NBPF12: variants seen among roughly 807,000 people sequenced by gnomAD.
NBPF12 encodes the protein NBPF family member NBPF12.
Under a neutral mutation model 146.4 loss-of-function variants are expected in NBPF12, and 115 were observed. The ratio of observed to expected loss-of-function variants is 0.79; its 90% confidence interval spans 0.68 to 0.92. NBPF12 has a LOEUF of 0.92. Among genes scored for constraint, NBPF12 ranks in the 40% least tolerant of loss-of-function variants. The pLI, the probability that NBPF12 is intolerant of heterozygous loss-of-function variation, is 0.00. For synonymous variants in NBPF12, 385 were observed against 508.9 expected, an observed-to-expected ratio of 0.76 and a Z score of 3.28; for missense variants, 1,205 against 1,326.8, an observed-to-expected ratio of 0.91 and a Z score of 1.43.
chr1:146,967,740 A>G (rs1656297836), intron 9 of NBPF12, among the ~76,000 whole-genome samples: 1 of 150,484 alleles, frequency 6.6e-6, no homozygotes, highest in South Asian at 2.1e-4. Context: ...AGAGGGTACT[A>G]CAATAATACC....
intron 13 of NBPF12, among the ~76,000 whole-genome samples, chr1:146,971,626 G>A (rs1553886478): frequency 0.15 from 22,400 of 145,470 alleles, 2,200 homozygotes; most frequent in Admixed American, 0.27. Flanking sequence ...CCATCTTTAC[G>A]AAGAATACAA....
chr1:146,963,055 C>T lies in NBPF12; in HGVS notation c.279-40C>T, dbSNP rs1418188034. 507 of 1,610,084 alleles carry T rather than the reference C, an allele frequency of 3.1e-4. 3 individuals carry two copies. The African/African-American group carries it at 3.2e-3, about 10-fold the overall frequency. ...TGCAATATTTGAACGGATCACTCAA[C>T]GCTTTTCACTGTTAAATTTTCTCTA... is the stretch of plus-strand genomic sequence containing the variant. On this transcript the variant is annotated intron_variant, in intron 5 of 33. Coordinates refer to ENST00000617844, the Ensembl canonical transcript of NBPF12.
exon 34 of NBPF12, chr1:146,995,665 G>C (rs879962174): frequency 6.7e-6 from 1 of 149,512 alleles, no homozygotes; most frequent in Admixed American, 6.6e-5. Context: ...ACTTTTTGCT[G>C]GGAACACTGC....
chr1:146,972,745 C>T lies in NBPF12; in HGVS notation c.1592-6C>T. 1 of 1,333,310 alleles carries T rather than the reference C, an allele frequency of 7.5e-7. No homozygotes were observed. The highest frequency in any genetic ancestry group is 1.1e-6 in the Non-Finnish European group (1 of 927,296). 82.6% of individuals were successfully genotyped at this position (1,333,310 alleles called of 1,614,324 possible). ...CCCATCATGTGTTTGCCTTTCTTCT[C>T]CCCAGTCCCTGGCCCCACCTCTTCT... On this transcript the variant is annotated splice_polypyrimidine_tract_variant and splice_region_variant and intron_variant, in intron 13 of 33. Transcript: ENST00000617844.
At chr1:146,966,403 T>G in intron 8 of NBPF12, 61 bp from the exon 12 acceptor site, 1 of 1,302,882 alleles carries the variant, frequency 7.7e-7, no homozygotes, top group South Asian at 1.2e-5. Context: ...TCAGTCCTGA[T>G]TAAGCCTACT....
At chr1:146,960,884 A>G (rs1655805346) in intron 4 of NBPF12, among the ~76,000 whole-genome samples, 1 of 152,042 alleles carries the variant, frequency 6.6e-6, no homozygotes. Flanking sequence ...AGCATGGCTC[A>G]CTCCTGTAAT....
At chr1:146,960,374 C>T in intron 4 of NBPF12, 56 bp downstream of exon 7, 1 of 1,354,892 alleles carries the variant, frequency 7.4e-7, no homozygotes. Flanking sequence ...TGTCTTCTCT[C>T]TGAGACACTA....
rs1570876574 is a variant in NBPF12, at chr1:146,977,062, C to T, written c.2192+61C>T. On this transcript the variant is annotated intron_variant, in intron 17 of 33. Transcript: ENST00000617844. ...TAACATATGAAGAATATCTAGGAGG[C>T]ACACCCTCTCTGGCATGTATGATGG... is the stretch of plus-strand genomic sequence containing the variant. 11 of 661,544 alleles carry T rather than the reference C, an allele frequency of 1.7e-5. No homozygotes were observed. In the East Asian group the frequency reaches 3.0e-4, roughly 18 times the overall value. 41.0% of individuals were successfully genotyped at this position (661,544 alleles called of 1,614,324 possible).
intron 16 of NBPF12, among the ~76,000 whole-genome samples, chr1:146,976,575 T>G (rs1657042689): frequency 6.9e-6 from 1 of 145,420 alleles, no homozygotes; most frequent in Non-Finnish European, 1.5e-5. Flanking sequence ...GAATTAGGTT[T>G]GAAATGCAAA....
chr1:146,987,693 CTT>C lies in NBPF12; in HGVS notation c.3117-259_3117-258del, dbSNP rs878914698. Among the ~76,000 whole-genome samples the C allele has an allele frequency of 8.8e-5, 12 of 137,110 alleles. 1 individual carries two copies. The highest frequency in any genetic ancestry group is 2.2e-4 in the Admixed American group (3 of 13,774). The allele number at this position is 137,110 out of a possible 152,430, so 89.9% of individuals were successfully genotyped here. A position where few individuals can be genotyped will look rare whatever the true frequency, so the allele number is the denominator to read the frequency against. ...GCTCGTTTTCTCTCTCTCTCTCTCTCTTTCTCTCTCAGTGTGTGCGTGTGTCT... is the reference window on the plus strand; with the variant it reads ...GCTCGTTTTCTCTCTCTCTCTCTCTCTCTCTCTCAGTGTGTGCGTGTGTCT... On this transcript the variant is annotated intron_variant, in intron 25 of 33. Coordinates refer to ENST00000617844, the Ensembl canonical transcript of NBPF12.
At chr1:146,964,278 T>C in intron 6 of NBPF12, 79 bp from the exon 10 acceptor site, 3 of 1,584,370 alleles carry the variant, frequency 1.9e-6, no homozygotes, top group Non-Finnish European at 2.6e-6. Flanking sequence ...TAGATGTTCA[T>C]GTCTCTGTGC....
intron 14 of NBPF12, among the ~76,000 whole-genome samples, chr1:146,974,083 C>G (rs1407616732): frequency 1.3e-5 from 2 of 150,654 alleles, no homozygotes; most frequent in African/African-American, 5.0e-5. Flanking sequence ...TATTTCTTGT[C>G]AATCTCCTAG....
intron 14 of NBPF12, among the ~76,000 whole-genome samples, chr1:146,973,760 C>G (rs1378266124): frequency 1.4e-5 from 2 of 146,702 alleles, no homozygotes; most frequent in South Asian, 4.3e-4. Flanking sequence ...TGCACTCCAG[C>G]CTGGGTGACA....
intron 14 of NBPF12, among the ~76,000 whole-genome samples, chr1:146,974,142 C>T (rs1553886989): frequency 0.011 from 1,592 of 150,220 alleles, 125 homozygotes; most frequent in African/African-American, 0.038. Context: ...CTTCATTCTG[C>T]TGTTTCTAAA....
chr1:146,945,415 C>A (rs1338087512), upstream of NBPF12, among the ~76,000 whole-genome samples: 32 of 151,346 alleles, frequency 2.1e-4, no homozygotes, highest in African/African-American at 7.1e-4. Context: ...CAGAACCCTG[C>A]ACTGTCTAGA....
At chr1:146,947,356 A>T (rs1293065072), upstream of NBPF12, among the ~76,000 whole-genome samples, 3 of 148,382 alleles carry the variant, frequency 2.0e-5, no homozygotes, top group African/African-American at 7.6e-5. Context: ...TGTGTTTCTC[A>T]TTTTTAAGGT....
chr1:146,962,082 T>A, intron 4 of NBPF12, 79 bp from the exon 8 acceptor site: 3 of 1,316,354 alleles, frequency 2.3e-6, no homozygotes, highest in African/African-American at 2.9e-5. Context: ...GGGATGGACC[T>A]GGCTCCTGCC....
At chr1:146,970,422 C>A (rs1308976915) in intron 11 of NBPF12, among the ~76,000 whole-genome samples, 2 of 150,992 alleles carry the variant, frequency 1.3e-5, no homozygotes, top group African/African-American at 4.9e-5. Flanking sequence ...AGCAAAAGGT[C>A]TTTTCAGTAT....
At chr1:146,970,887 G>C (rs1231539478) in intron 12 of NBPF12, among the ~76,000 whole-genome samples, 168 bp downstream of exon 15, 2,852 of 151,400 alleles carry the variant, frequency 0.019, 200 homozygotes, top group African/African-American at 0.066. Context: ...TCGTGTTTCT[G>C]TATGTGTGCC....
Sources: allele counts gnomAD v4.1 joint callset (sites outside exome capture counted in the v4.1 genomes callset), GRCh38; gene constraint gnomAD v4.1.1; transcripts MANE v1.5; gene names NCBI Gene and HGNC (gene_info 2026-07-23, HGNC 2026-07-21).